Variants in VAMP4 observed in about 807,000 individuals in gnomAD.
VAMP4 encodes vesicle-associated membrane protein 4.
Under a neutral mutation model 23.5 loss-of-function variants are expected in VAMP4, and 19 were observed. The ratio of observed to expected loss-of-function variants is 0.81; its 90% CI spans 0.56 to 1.19. The LOEUF is 1.19. Among genes scored for constraint, VAMP4 ranks in the 50% most tolerant of loss-of-function variants. The pLI is 0.00. For missense variants in VAMP4, 145 were observed against 168.6 expected (o/e 0.86, Z 0.78); for synonymous variants, 31 against 51.0 (o/e 0.61, Z 1.67).
intron 7 of VAMP4, among the ~76,000 whole-genome samples, chr1:171,705,038 G>C (rs74335505): frequency 0.015 from 2,239 of 151,970 alleles, 50 homozygotes; most frequent in African/African-American, 0.05. Context: ...GGTTTCTGAG[G>C]TAATTATTTT....
rs1408489495 is a variant in VAMP4 at position 171,704,537 on chromosome 1, G to GT, written c.398-4dup. The stretch of plus-strand genomic sequence containing the variant: ...ACGGTATTTCATGACTATAAGAACT[G>GT]TAAGAGAAAACATGAAAAAAGCAAT... On this transcript the variant is annotated splice_polypyrimidine_tract_variant and splice_region_variant and intron_variant, in intron 7 of 7. Coordinates refer to ENST00000236192, the MANE Select transcript of VAMP4 (RefSeq NM_003762.5). 1 of 1,575,862 alleles carries GT rather than the reference G, an allele frequency of 6.3e-7. No individual in the cohort carries two copies. The highest frequency in any genetic ancestry group is 8.6e-7 in the Non-Finnish European group (1 of 1,159,790).
At chr1:171,707,410 A>G (rs541374758) in intron 6 of VAMP4, among the ~76,000 whole-genome samples, 1 of 152,278 alleles carries the variant, frequency 6.6e-6, no homozygotes, top group Non-Finnish European at 1.5e-5. Flanking sequence ...ACCCTTAACA[A>G]GTTTCCTCAT....
At position 171,719,215 on chromosome 1, in the gene VAMP4, T is replaced by G; in HGVS notation, c.120A>C (p.Gly40=). The G allele has an allele frequency of 2.5e-6, 4 of 1,611,374 alleles. No individual in the cohort carries two copies. Among genetic ancestry groups the G allele is most frequent in the Non-Finnish European group, 3.4e-6 (4 of 1,178,652 alleles). Residue 40 remains glycine (G), a synonymous_variant, in exon 4 of 8, where the codon GGA becomes GGC. Transcript: ENST00000236192. ...TAGGTCCAAATCTTGGTCCAGATGG[T>G]CCCCTTCTGAAAACAAGTACATACC... ...SDEEEDFFLR[G]PSGPRFGPRN...
chr1:171,733,139 C>T (rs748847508), intron 2 of VAMP4, among the ~76,000 whole-genome samples: 2 of 151,858 alleles, frequency 1.3e-5, no homozygotes, highest in East Asian at 3.9e-4. Context: ...AAGTAACAGA[C>T]AAGCATTACA....
chr1:171,739,775 T>C (rs1236844894), intron 1 of VAMP4, among the ~76,000 whole-genome samples: 1 of 152,216 alleles, frequency 6.6e-6, no homozygotes, highest in African/African-American at 2.4e-5. Flanking sequence ...TAGGAGAAAC[T>C]CAATTTTTTT....
At chr1:171,720,703 T>C (rs186122179) in intron 3 of VAMP4, among the ~76,000 whole-genome samples, 88 of 152,176 alleles carry the variant, frequency 5.8e-4, no homozygotes, top group African/African-American at 2.0e-3. Context: ...ACTAGATTTG[T>C]TCAGTTGTCA....
In VAMP4 at chr1:171,703,427, A is replaced by G. The variant is rs558118681; in HGVS notation, c.*1079T>C. On this transcript the variant is annotated 3_prime_UTR_variant, in exon 8 of 8. Transcript: ENST00000236192. ...TGTGTGTGTGTGTGTGTTTGTGTGTATATATATATATATATATATATATAT... is the reference window on the plus strand; with the variant it reads ...TGTGTGTGTGTGTGTGTTTGTGTGTGTATATATATATATATATATATATAT... 1,262 of 17,668 alleles carry G rather than the reference A, an allele frequency of 0.071. 46 individuals carry two copies. The highest frequency in any genetic ancestry group is 0.13 in the African/African-American group (789 of 5,966). 1.1% of individuals were successfully genotyped at this position (17,668 alleles called of 1,614,324 possible). A position where few individuals can be genotyped will look rare whatever the true frequency, so the allele number is the denominator to read the frequency against.
intron 2 of VAMP4, among the ~76,000 whole-genome samples, chr1:171,728,980 G>A (rs187240733): frequency 6.6e-6 from 1 of 152,316 alleles, no homozygotes; most frequent in African/African-American, 2.4e-5. Context: ...GAAGAGTATA[G>A]AGGGAGTTTG....
chr1:171,737,522 A>G (rs180769423), intron 2 of VAMP4, among the ~76,000 whole-genome samples: 84 of 152,308 alleles, frequency 5.5e-4, no homozygotes, highest in African/African-American at 1.9e-3. Flanking sequence ...AGGTCTGGGG[A>G]CCTTTATTTG....
intron 2 of VAMP4, among the ~76,000 whole-genome samples, chr1:171,737,558 A>C (rs988647899): frequency 6.6e-6 from 1 of 152,216 alleles, no homozygotes; most frequent in Non-Finnish European, 1.5e-5. Flanking sequence ...AAAGCTTCTG[A>C]AAATCAAAAA....
intron 3 of VAMP4, among the ~76,000 whole-genome samples, 180 bp from the exon 4 acceptor site, chr1:171,719,401 G>A (rs913059083): frequency 5.3e-5 from 8 of 152,070 alleles, no homozygotes; most frequent in African/African-American, 1.7e-4. Context: ...AGGTAATCAT[G>A]TCTTTACTTC....
chr1:171,709,541 G>A (rs1654776072), intron 6 of VAMP4, 124 bp downstream of exon 6: 2 of 743,964 alleles, frequency 2.7e-6, no homozygotes, highest in African/African-American at 1.7e-5. Context: ...TTTCTACCAT[G>A]TCTCAGGACA....
intron 6 of VAMP4, 66 bp downstream of exon 6, chr1:171,709,599 T>G: frequency 6.7e-7 from 1 of 1,502,484 alleles, no homozygotes; most frequent in Non-Finnish European, 9.3e-7. Context: ...GGCCCTTTTT[T>G]CTTCATGTGT....
At chr1:171,711,321 G>T (rs979783038) in intron 4 of VAMP4, among the ~76,000 whole-genome samples, 2 of 152,104 alleles carry the variant, frequency 1.3e-5, no homozygotes, top group African/African-American at 4.8e-5. Flanking sequence ...AAATGGAAAT[G>T]TAGGGCATAT....
chr1:171,704,491 ATC>A lies in VAMP4; in HGVS notation c.*13_*14del. The A allele has an allele frequency of 6.4e-7, 1 of 1,574,330 alleles. No individual in the cohort carries two copies. Among genetic ancestry groups the A allele is most frequent in the Non-Finnish European group, 8.6e-7 (1 of 1,159,646 alleles). ...CTGTCCCAGATCTTGTTTAATGAAG[ATC>A]TCTGTCATCAAATCAAGTACGGTAT... On this transcript the variant is annotated 3_prime_UTR_variant, in exon 8 of 8. Transcript: ENST00000236192.
At chr1:171,728,834 G>C (rs1655459917) in intron 2 of VAMP4, among the ~76,000 whole-genome samples, 1 of 152,202 alleles carries the variant, frequency 6.6e-6, no homozygotes, top group African/African-American at 2.4e-5. Context: ...GTATGGGAGT[G>C]AGGAACTGCA....
chr1:171,716,377 G>T (rs1326498371), intron 4 of VAMP4, among the ~76,000 whole-genome samples: 1 of 152,138 alleles, frequency 6.6e-6, no homozygotes. Context: ...CTGGAATGCT[G>T]ACTCCATTCC....
At chr1:171,716,556 A>G (rs1180258433) in intron 4 of VAMP4, among the ~76,000 whole-genome samples, 3 of 152,232 alleles carry the variant, frequency 2.0e-5, no homozygotes, top group African/African-American at 7.2e-5. Context: ...AGTCTTTCCT[A>G]AGAAGTGATG....
chr1:171,729,729 G>C (rs574413489), intron 2 of VAMP4, among the ~76,000 whole-genome samples: 2 of 152,046 alleles, frequency 1.3e-5, no homozygotes, highest in Non-Finnish European at 2.9e-5. Flanking sequence ...GTGCAATCTC[G>C]GCTCACTGCA....
Sources: gnomAD v4.1 joint callset for allele counts (sites outside exome capture counted in the v4.1 genomes callset) on GRCh38, gnomAD v4.1.1 for gene constraint, MANE v1.5 for transcripts, NCBI Gene and HGNC (gene_info 2026-07-23, HGNC 2026-07-21) for gene names.